Variants in EPS15L1 observed in about 807,000 individuals in gnomAD.
EPS15L1 encodes the protein epidermal growth factor receptor pathway substrate 15 like 1, also known as epidermal growth factor receptor substrate 15-like 1.
A neutral mutation model predicts 117.1 loss-of-function variants in EPS15L1; 43 were observed. The ratio of observed to expected loss-of-function variants is 0.37; its 90% CI spans 0.29 to 0.47. The LOEUF is 0.47. Among genes scored for constraint, EPS15L1 ranks in the 20% least tolerant of loss-of-function variants. The pLI, the probability that EPS15L1 is intolerant of heterozygous loss-of-function variation, is 0.99. For synonymous variants in EPS15L1, 459 were observed against 470.5 expected (o/e 0.98, Z 0.32); for missense variants, 981 against 1,164.0 (o/e 0.84, Z 2.29).
chr19:16,451,120 T>C (rs1168906620), intron 1 of EPS15L1, among the ~76,000 whole-genome samples: 1 of 151,878 alleles, frequency 6.6e-6, no homozygotes, highest in East Asian at 1.9e-4. Flanking sequence ...CCGGCTAGTT[T>C]TTATACTTTT....
At chr19:16,428,335 C>G (rs1179899047) in intron 8 of EPS15L1, among the ~76,000 whole-genome samples, 4 of 149,700 alleles carry the variant, frequency 2.7e-5, no homozygotes, top group African/African-American at 9.9e-5. Context: ...GATCGGGCCA[C>G]TGAATGCCAG....
At chr19:16,402,713 A>G (rs1478109854) in intron 15 of EPS15L1, among the ~76,000 whole-genome samples, 1 of 2,368 alleles carries the variant, frequency 4.2e-4, no homozygotes, top group Non-Finnish European at 7.6e-4. Flanking sequence ...ATTTTTGGGC[A>G]ACAAACCAAG....
intron 13 of EPS15L1, 199 bp downstream of exon 13, chr19:16,413,574 T>C (rs1599605674): frequency 5.4e-6 from 4 of 736,206 alleles, no homozygotes; most frequent in Admixed American, 2.5e-5. Context: ...GGCTACAACA[T>C]AGGGTTTTTA....
intron 21 of EPS15L1, among the ~76,000 whole-genome samples, chr19:16,377,946 G>A: frequency 6.6e-6 from 1 of 152,198 alleles, no homozygotes; most frequent in East Asian, 1.9e-4. Flanking sequence ...CACACCTGCT[G>A]TCTCAAACCC....
chr19:16,468,073 G>A (rs915712904), intron 1 of EPS15L1, among the ~76,000 whole-genome samples: 3 of 152,124 alleles, frequency 2.0e-5, no homozygotes, highest in Admixed American at 6.6e-5. Flanking sequence ...GTTACCACGC[G>A]CTTCCTAGGT....
intron 13 of EPS15L1, among the ~76,000 whole-genome samples, chr19:16,407,918 CAG>C (rs2092671574): frequency 6.6e-6 from 1 of 152,178 alleles, no homozygotes; most frequent in South Asian, 2.1e-4. Flanking sequence ...GCTGATGGGA[CAG>C]AGACTGTGTC....
chr19:16,364,111 G>C (rs2092099095), intron 22 of EPS15L1, among the ~76,000 whole-genome samples: 2 of 152,212 alleles, frequency 1.3e-5, no homozygotes, highest in Non-Finnish European at 1.5e-5. Flanking sequence ...AGGGCGAGCT[G>C]TCCTGGGCTC....
In EPS15L1 at chr19:16,405,259, G is replaced by A. The variant is rs999586161; in HGVS notation, c.1267-510C>T. Among the ~76,000 whole-genome samples the A allele has an allele frequency of 3.3e-5, 5 of 152,194 alleles. No homozygotes were observed. The highest frequency in any genetic ancestry group is 7.4e-5 in the Non-Finnish European group (5 of 68,022). ...GGCGGAGGGAACCACAGGGACCCCAGGGTCGGGGGGTGTCGCACTCCAGCT... is the reference window on the plus strand; with the variant it reads ...GGCGGAGGGAACCACAGGGACCCCAAGGTCGGGGGGTGTCGCACTCCAGCT... On this transcript the variant is annotated intron_variant, in intron 13 of 23. Transcript: ENST00000455140. The surrounding 1 kb of genome is among the most constrained non-coding windows in gnomAD (Gnocchi z 4.0).
chr19:16,384,226 T>TG (rs2092394723), intron 21 of EPS15L1: 1 of 151,720 alleles, frequency 6.6e-6, no homozygotes, highest in African/African-American at 2.4e-5. Flanking sequence ...AGGGACAGAG[T>TG]GGACGCAGGT....
intron 7 of EPS15L1, among the ~76,000 whole-genome samples, chr19:16,429,261 G>T (rs1405910565): frequency 1.3e-5 from 2 of 152,154 alleles, no homozygotes; most frequent in African/African-American, 2.4e-5. Context: ...CACTCAGTGC[G>T]CTGAAGAGAA....
chr19:16,377,813 G>C (rs2092314513), intron 21 of EPS15L1, among the ~76,000 whole-genome samples: 1 of 152,286 alleles, frequency 6.6e-6, no homozygotes, highest in African/African-American at 2.4e-5. Flanking sequence ...AGGTGGAAGT[G>C]CATCCTCACA....
chr19:16,364,525 C>CG (rs1216377229), intron 22 of EPS15L1, among the ~76,000 whole-genome samples: 2 of 152,196 alleles, frequency 1.3e-5, no homozygotes, highest in African/African-American at 4.8e-5. Flanking sequence ...CCGCAGACCC[C>CG]GGGCTGGTTC....
At chr19:16,447,456 A>G (rs979276457) in intron 1 of EPS15L1, among the ~76,000 whole-genome samples, 2 of 152,182 alleles carry the variant, frequency 1.3e-5, no homozygotes, top group African/African-American at 4.8e-5. Context: ...GTTCCATCTC[A>G]CTAGTAATTT....
chr19:16,452,095 C>T (rs1477118241), intron 1 of EPS15L1, among the ~76,000 whole-genome samples: 7 of 151,160 alleles, frequency 4.6e-5, no homozygotes, highest in Admixed American at 1.3e-4. Flanking sequence ...GCCAAGATCA[C>T]GCCACTGCAC....
At chr19:16,412,398 G>C (rs1020577173) in intron 13 of EPS15L1, among the ~76,000 whole-genome samples, 3 of 152,018 alleles carry the variant, frequency 2.0e-5, no homozygotes, top group African/African-American at 4.8e-5. Context: ...TACTTGGGAG[G>C]CTGAGACAGG....
At chr19:16,376,461 T>C (rs372851002) in intron 22 of EPS15L1, among the ~76,000 whole-genome samples, 17 of 152,240 alleles carry the variant, frequency 1.1e-4, no homozygotes, top group South Asian at 6.2e-4. Flanking sequence ...CTAGGAGACA[T>C]TGGCAGCACT....
At chr19:16,435,394 G>C (rs142016766) in intron 6 of EPS15L1, 1 of 152,224 alleles carries the variant, frequency 6.6e-6, no homozygotes, top group Non-Finnish European at 1.5e-5. Context: ...CAGGCAGCCC[G>C]TAAAAGGGGC....
At position 16,381,864 on chromosome 19, in the gene EPS15L1, C is replaced by A. The variant is rs563671059; in HGVS notation, c.2247+3265G>T. ...CCGCGGCCTGGGATGGGGAGCCAAG[C>A]AGGTCTAGATGGGAAGTGGTGTGAC... On this transcript the variant is annotated intron_variant, in intron 21 of 23. Transcript: ENST00000455140. This position sits in a 1 kb window ranked among gnomAD's most constrained non-coding sequence, Gnocchi z 4.2. Among the ~76,000 whole-genome samples, 51 of 152,354 alleles carry A rather than the reference C, an allele frequency of 3.3e-4. No individual in the cohort carries two copies. Among genetic ancestry groups the A allele is most frequent in the African/African-American group, 1.2e-3 (50 of 41,598 alleles).
intron 1 of EPS15L1, among the ~76,000 whole-genome samples, chr19:16,462,033 C>G (rs968566703): frequency 6.6e-6 from 1 of 152,188 alleles, no homozygotes; most frequent in Non-Finnish European, 1.5e-5. Context: ...CAGAGCTCCT[C>G]GACCCTCCCG....
Sources: gnomAD v4.1 joint callset for allele counts (sites outside exome capture counted in the v4.1 genomes callset) on GRCh38, gnomAD v4.1.1 for gene constraint, Gnocchi (gnomAD v3.1) non-coding constraint, MANE v1.5 for transcripts, NCBI Gene and HGNC (gene_info 2026-07-23, HGNC 2026-07-21) for gene names.